Variants in SEC14L5 observed in about 807,000 individuals in gnomAD.
SEC14L5 encodes SEC14-like protein 5.
SEC14L5 carries 96 observed loss-of-function variants against 84.6 expected under a neutral mutation model. The observed-to-expected ratio is 1.13, with a 90% CI of 0.96 to 1.34. The LOEUF (loss-of-function observed/expected upper bound fraction) is 1.34. Ranked by LOEUF, SEC14L5 falls within the 40% of genes most tolerant of loss-of-function variation. SEC14L5 has a pLI of 0.00. For missense variants in SEC14L5, 1,224 were observed against 942.5 expected, an observed-to-expected ratio of 1.30 and a Z score of -3.91; for synonymous variants, 546 against 383.4, an observed-to-expected ratio of 1.42 and a Z score of -4.95.
At chr16:5,001,522 G>T (rs1203061800) in intron 10 of SEC14L5, among the ~76,000 whole-genome samples, 1 of 152,126 alleles carries the variant, frequency 6.6e-6, no homozygotes, top group African/African-American at 2.4e-5. Flanking sequence ...GCCTCCCAAA[G>T]TGCTGGGATT....
rs533532362 is a variant in SEC14L5 at position 4,958,446 on chromosome 16, G to T, written c.-52+1G>T. ...GATCCGCGATCGGGCCCCGCCTCAG[G>T]TACTGCGCTCCAGGCCAGGCGGGCG... is the stretch of plus-strand genomic sequence containing the variant. On this transcript the variant is annotated splice_donor_variant, in intron 1 of 15. Transcript: ENST00000251170. LOFTEE classifies it low-confidence loss of function (5UTR_SPLICE). 6.8e-6 allele frequency: 1 copy of T among 146,906 alleles called. No individual in the cohort carries two copies. Among genetic ancestry groups the T allele is most frequent in the Admixed American group, 6.9e-5 (1 of 14,560 alleles). The allele number at this position is 146,906 out of a possible 1,614,324, so 9.1% of individuals were successfully genotyped here.
chr16:5,004,829 T>C (rs1955713604), intron 11 of SEC14L5, among the ~76,000 whole-genome samples: 1 of 152,174 alleles, frequency 6.6e-6, no homozygotes, highest in East Asian at 1.9e-4. Flanking sequence ...AGCTCAGTGT[T>C]AAAATGGATT....
At position 5,016,903 on chromosome 16, in the gene SEC14L5, G is replaced by T. The variant is rs1052712180; in HGVS notation, c.*1933G>T. ...TGCTTTGCACTCTGCGTCAAGGTGT[G>T]TGTGCACATGTGTGCATAAGAGACC... On this transcript the variant is annotated 3_prime_UTR_variant, in exon 16 of 16. Coordinates refer to ENST00000251170, the MANE Select transcript of SEC14L5 (RefSeq NM_014692.2). 2 of 152,258 alleles carry T rather than the reference G, an allele frequency of 1.3e-5. No homozygotes were observed. Among genetic ancestry groups the T allele is most frequent in the African/African-American group, 2.4e-5 (1 of 41,462 alleles). The allele number at this position is 152,258 out of a possible 1,614,324, so 9.4% of individuals were successfully genotyped here.
At chr16:5,003,624 G>GGCGCCCCCC in intron 11 of SEC14L5, 51 bp downstream of exon 11, 1 of 305,312 alleles carries the variant, frequency 3.3e-6, no homozygotes, top group Non-Finnish European at 6.5e-6. Flanking sequence ...GGTGGGATGG[G>GGCGCCCCCC]AGGGGTTCCG....
rs1004988363 is a variant in SEC14L5, at chr16:5,016,086, G to A, written c.*1116G>A. ...GGGTGCATAGAACTGGCCAGTCCAG[G>A]AGGGCTTGCTTCAGGTAAGGCTAGA... On this transcript the variant is annotated 3_prime_UTR_variant, in exon 16 of 16. Coordinates refer to ENST00000251170, the MANE Select transcript of SEC14L5 (RefSeq NM_014692.2). The A allele has an allele frequency of 5.3e-5, 8 of 152,198 alleles. No homozygotes were observed. Among genetic ancestry groups the A allele is most frequent in the Non-Finnish European group, 1.2e-4 (8 of 68,056 alleles). 9.4% of individuals were successfully genotyped at this position (152,198 alleles called of 1,614,324 possible).
chr16:4,985,592 C>T (rs1008482638), intron 2 of SEC14L5, among the ~76,000 whole-genome samples: 4 of 152,078 alleles, frequency 2.6e-5, no homozygotes, highest in Non-Finnish European at 5.9e-5. Context: ...AGAGATTATT[C>T]TTTTCTCATC....
At chr16:4,977,122 A>G (rs1287714909) in intron 2 of SEC14L5, among the ~76,000 whole-genome samples, 1 of 152,224 alleles carries the variant, frequency 6.6e-6, no homozygotes, top group East Asian at 1.9e-4. Context: ...ACAAGGAAAG[A>G]AAATAAATGT....
In SEC14L5 at chr16:5,008,472, A is replaced by T. The variant is rs759767413; in HGVS notation, c.1624A>T (p.Ile542Phe). Residue 542 changes from isoleucine (I) to phenylalanine (F), a missense_variant, in exon 14 of 16, where the codon ATC (isoleucine) becomes TTC (phenylalanine). Transcript: ENST00000251170. ...GESVITWDFD[I>F]LRGDVVFSLY... Reference sequence around the variant, plus strand: ...GTCGGTCATCACCTGGGACTTTGACATCCTGCGAGGGGACGTGGTGTTCAG... The same window carrying T: ...GTCGGTCATCACCTGGGACTTTGACTTCCTGCGAGGGGACGTGGTGTTCAG... The T allele has an allele frequency of 6.2e-7, 1 of 1,613,576 alleles. No individual in the cohort carries two copies. The highest frequency in any genetic ancestry group is 1.1e-5 in the South Asian group (1 of 91,050).
Position 5,007,181 on chromosome 16 carries a change from C to G in SEC14L5, c.1438-171C>G, listed in dbSNP as rs1286445281. On this transcript the variant is annotated intron_variant, in intron 12 of 15. Transcript: ENST00000251170. ...TGTGAAACGGGAAGAATAATAGTCTCTACTGCATTGGTGGACCTGGGGATT... is the reference window on the plus strand; with the variant it reads ...TGTGAAACGGGAAGAATAATAGTCTGTACTGCATTGGTGGACCTGGGGATT... 2.6e-5 allele frequency among the ~76,000 whole-genome samples: 4 copies of G among 152,184 alleles called. No homozygotes were observed. The East Asian group carries it at 7.7e-4, about 29-fold the overall frequency.
intron 2 of SEC14L5, among the ~76,000 whole-genome samples, chr16:4,966,641 G>C (rs977816235): frequency 6.6e-6 from 1 of 152,080 alleles, no homozygotes; most frequent in Admixed American, 6.6e-5. Context: ...GAGTTCTGTG[G>C]GCAGCCCATT....
intron 15 of SEC14L5, among the ~76,000 whole-genome samples, chr16:5,012,734 G>A (rs1039854051): frequency 1.2e-4 from 18 of 151,346 alleles, no homozygotes; most frequent in Non-Finnish European, 2.4e-4. Context: ...GCGAAACCCC[G>A]TCTTTACTAA....
rs560212298 is a variant in SEC14L5 at position 4,966,618 on chromosome 16, C to T, written c.63+7232C>T. Among the ~76,000 whole-genome samples, 6 of 152,210 alleles carry T rather than the reference C, an allele frequency of 3.9e-5. No individual in the cohort carries two copies. The South Asian group carries it at 8.3e-4, about 21-fold the overall frequency. On this transcript the variant is annotated intron_variant, in intron 2 of 15. Coordinates refer to ENST00000251170, the MANE Select transcript of SEC14L5 (RefSeq NM_014692.2). ...TATTCACTTATTAATTCCTCATAGC[C>T]ACCCCATGAGATGAGTTCTGTGGGC... is the stretch of plus-strand genomic sequence containing the variant.
intron 8 of SEC14L5, among the ~76,000 whole-genome samples, chr16:5,000,371 C>A (rs1955661525): frequency 6.6e-6 from 1 of 152,246 alleles, no homozygotes; most frequent in African/African-American, 2.4e-5. Flanking sequence ...CTCCTGTGTT[C>A]AAGCAATCCT....
At chr16:4,966,267 CTT>C (rs1019686741) in intron 2 of SEC14L5, among the ~76,000 whole-genome samples, 25 of 78,786 alleles carry the variant, frequency 3.2e-4, no homozygotes, top group African/African-American at 5.7e-4. Context: ...CGCCCGGCCT[CTT>C]TTTTTTTTTT....
intron 15 of SEC14L5, 137 bp downstream of exon 15, chr16:5,011,410 C>G (rs1955802097): frequency 1.3e-5 from 11 of 819,570 alleles, no homozygotes; most frequent in Non-Finnish European, 1.9e-5. Context: ...GGTTGGAGTT[C>G]TCAGGTGACA....
intron 12 of SEC14L5, among the ~76,000 whole-genome samples, chr16:5,007,049 T>C (rs1382975487): frequency 6.6e-6 from 1 of 152,110 alleles, no homozygotes; most frequent in Non-Finnish European, 1.5e-5. Context: ...TAAAGGGACA[T>C]GAGCATGGGG....
chr16:4,967,695 C>T (rs566847856), intron 2 of SEC14L5, among the ~76,000 whole-genome samples: 75 of 146,914 alleles, frequency 5.1e-4, no homozygotes, highest in Middle Eastern at 3.8e-3. Flanking sequence ...ACCTCAGCCT[C>T]CTGAGTAGCT....
intron 2 of SEC14L5, 95 bp downstream of exon 2, chr16:4,959,481 G>C (rs1955092929): frequency 2.9e-6 from 3 of 1,048,374 alleles, no homozygotes; most frequent in African/African-American, 1.6e-5. Context: ...TAGACTCCCA[G>C]ATCAGAAGGA....
chr16:5,012,200 G>C (rs887690158), intron 15 of SEC14L5, among the ~76,000 whole-genome samples: 1 of 152,140 alleles, frequency 6.6e-6, no homozygotes, highest in Non-Finnish European at 1.5e-5. Flanking sequence ...GAAGCTGCAT[G>C]TTTTGGCCAT....
Sources: allele counts gnomAD v4.1 joint callset (sites outside exome capture counted in the v4.1 genomes callset), GRCh38; gene constraint gnomAD v4.1.1; transcripts MANE v1.5; gene names NCBI Gene and HGNC (gene_info 2026-07-23, HGNC 2026-07-21).